The following TMEM132B variants were observed in gnomAD, a reference collection of about 807,000 sequenced individuals.
The protein encoded by TMEM132B is transmembrane protein 132B.
TMEM132B carries 18 observed loss-of-function variants against 90.8 expected under a neutral mutation model. That is an observed-to-expected ratio of 0.20 (90% CI 0.14 to 0.29). TMEM132B has a LOEUF of 0.29. TMEM132B is among the 10% of genes least tolerant of loss of function. TMEM132B has a pLI of 1.00. For synonymous variants in TMEM132B, 504 were observed against 523.3 expected, an observed-to-expected ratio of 0.96 and a Z score of 0.50; for missense variants, 1,096 against 1,326.8, an observed-to-expected ratio of 0.83 and a Z score of 2.70.
Position 125,650,962 on chromosome 12 carries a change from C to T in TMEM132B, c.1914+9C>T, listed in dbSNP as rs374416896. 4.7e-5 allele frequency: 75 copies of T among 1,611,294 alleles called. No individual in the cohort carries two copies. The African/African-American group carries it at 5.2e-4, about 11-fold the overall frequency. On this transcript the variant is annotated intron_variant, in intron 7 of 8. Coordinates refer to ENST00000682704, the MANE Select transcript of TMEM132B (RefSeq NM_001366854.1). ...GAATAACCACGGTGCAGGTACACGC[C>T]GCCATGCCTTGCCCAACAGCAGTCT...
At chr12:125,201,504 G>A (rs921382929) in intron 1 of TMEM132B, among the ~76,000 whole-genome samples, 8 of 152,304 alleles carry the variant, frequency 5.3e-5, no homozygotes, top group South Asian at 2.1e-4. Context: ...GCTTTATATC[G>A]CTCACTGCTT....
At chr12:125,350,943 A>G (rs1480704102) in intron 2 of TMEM132B, among the ~76,000 whole-genome samples, 3 of 152,204 alleles carry the variant, frequency 2.0e-5, no homozygotes, top group African/African-American at 7.2e-5. Context: ...TAAGAGGTGC[A>G]AAAGTGATCC....
At position 125,408,477 on chromosome 12, in the gene TMEM132B, TA is replaced by T. The variant is rs1566025699; in HGVS notation, c.960-7048del. Reference sequence around the variant, plus strand: ...GGACACAGCATGACAGCCGCATCTATAAAAAAGCAAGCTCTCACCCGGCACT... The same window carrying T: ...GGACACAGCATGACAGCCGCATCTATAAAAAGCAAGCTCTCACCCGGCACT... On this transcript the variant is annotated intron_variant, in intron 2 of 8. Transcript: ENST00000682704. This position sits in a 1 kb window ranked among gnomAD's most constrained non-coding sequence, Gnocchi z 5.9. 6.6e-6 allele frequency among the ~76,000 whole-genome samples: 1 copy of T among 152,196 alleles called. No homozygotes were observed. The highest frequency in any genetic ancestry group is 1.9e-4 in the East Asian group (1 of 5,198).
intron 1 of TMEM132B, among the ~76,000 whole-genome samples, chr12:125,242,821 T>C (rs923068064): frequency 6.6e-6 from 1 of 152,160 alleles, no homozygotes; most frequent in African/African-American, 2.4e-5. Context: ...ATCCTGTTAG[T>C]CCACTTTCTT....
chr12:125,407,027 A>G lies in TMEM132B; in HGVS notation c.960-8504A>G, dbSNP rs933177855. Among the ~76,000 whole-genome samples the G allele has an allele frequency of 1.3e-5, 2 of 152,182 alleles. No individual in the cohort carries two copies. Among genetic ancestry groups the G allele is most frequent in the African/African-American group, 4.8e-5 (2 of 41,464 alleles). On this transcript the variant is annotated intron_variant, in intron 2 of 8. Transcript: ENST00000682704. This position sits in a 1 kb window ranked among gnomAD's most constrained non-coding sequence, Gnocchi z 6.7. The stretch of plus-strand genomic sequence containing the variant: ...GCAACCATAGGCACAGAGTGCTGCC[A>G]ACTGGGGGAGCTCACCCAAGCTTGG...
rs1887013492 is a variant in TMEM132B, at chr12:125,654,557, C to T, written c.3099C>T (p.Ser1033=). The T allele has an allele frequency of 6.2e-7, 1 of 1,614,002 alleles. No homozygotes were observed. Among genetic ancestry groups the T allele is most frequent in the African/African-American group, 1.3e-5 (1 of 74,904 alleles). ...AGAGGAAGAGAGTCAAGTTCACTTC[C>T]TACACCACCATCCTCCCAGAGGACG... ...GPKRKRVKFT[S]YTTILPEDGG... The change falls in exon 9 of 9, where the codon TCC becomes TCT. Residue 1033 remains serine, a synonymous_variant. Coordinates refer to ENST00000682704, the MANE Select transcript of TMEM132B (RefSeq NM_001366854.1). The surrounding 1 kb of genome is among the most constrained non-coding windows in gnomAD (Gnocchi z 5.8).
At chr12:125,595,144 A>C (rs996967937) in intron 5 of TMEM132B, among the ~76,000 whole-genome samples, 2 of 152,124 alleles carry the variant, frequency 1.3e-5, no homozygotes, top group African/African-American at 4.8e-5. Flanking sequence ...ATGTATTATA[A>C]TGTGCTGGTT....
chr12:125,446,028 T>G (rs1880998761), intron 3 of TMEM132B, among the ~76,000 whole-genome samples: 1 of 152,254 alleles, frequency 6.6e-6, no homozygotes, highest in Non-Finnish European at 1.5e-5. Context: ...AATCCCAGTC[T>G]TGGGGAGGTC....
In TMEM132B at chr12:125,363,287, C is replaced by G. The variant is rs1846647; in HGVS notation, c.959+12944C>G. On this transcript the variant is annotated intron_variant, in intron 2 of 8. Coordinates refer to ENST00000682704, the MANE Select transcript of TMEM132B (RefSeq NM_001366854.1). ...ACCATCCCTTACTGATCCCCACAAC[C>G]CTGCCTATACCTCTGTGAATAGTCC... Among the ~76,000 whole-genome samples the G allele has an allele frequency of 8.1e-3, 1,238 of 152,306 alleles. 23 individuals are homozygous for G. Among genetic ancestry groups the G allele is most frequent in the African/African-American group, 0.028 (1,179 of 41,558 alleles).
At chr12:125,385,218 C>T (rs1878794485) in intron 2 of TMEM132B, among the ~76,000 whole-genome samples, 1 of 151,924 alleles carries the variant, frequency 6.6e-6, no homozygotes, top group Admixed American at 6.5e-5. Context: ...GCTCTCACAG[C>T]AAAAAAGATT....
chr12:125,359,573 C>T (rs940139071), intron 2 of TMEM132B, among the ~76,000 whole-genome samples: 2 of 152,148 alleles, frequency 1.3e-5, no homozygotes, highest in African/African-American at 4.8e-5. Context: ...AACTAAAGAC[C>T]ATGAGCTTCC....
chr12:125,374,399 G>C (rs563155131), intron 2 of TMEM132B, among the ~76,000 whole-genome samples: 1 of 151,666 alleles, frequency 6.6e-6, no homozygotes, highest in African/African-American at 2.4e-5. Flanking sequence ...AGTCTGTATA[G>C]TGCAGACCTC....
chr12:125,316,800 C>T (rs1293769164), intron 1 of TMEM132B, among the ~76,000 whole-genome samples: 1 of 152,194 alleles, frequency 6.6e-6, no homozygotes, highest in Non-Finnish European at 1.5e-5. Context: ...AGGACCATCC[C>T]ACAAACTGTA....
At chr12:125,276,080 TTGACTC>T (rs1252534974) in intron 1 of TMEM132B, among the ~76,000 whole-genome samples, 3 of 152,220 alleles carry the variant, frequency 2.0e-5, no homozygotes, top group Non-Finnish European at 2.9e-5. Flanking sequence ...CCATGGGTGT[TTGACTC>T]TGGCCACTAG....
At chr12:125,577,106 A>G (rs1165539083) in intron 4 of TMEM132B, among the ~76,000 whole-genome samples, 1 of 151,940 alleles carries the variant, frequency 6.6e-6, no homozygotes, top group Non-Finnish European at 1.5e-5. Context: ...TAATGAAGCC[A>G]TCTGGTCCTG....
At chr12:125,402,688 A>T (rs141772331) in intron 2 of TMEM132B, among the ~76,000 whole-genome samples, 1 of 152,212 alleles carries the variant, frequency 6.6e-6, no homozygotes, top group Admixed American at 6.5e-5. Flanking sequence ...GCAGGGGTAG[A>T]TGCTGCTGTC....
chr12:125,607,072 G>T (rs2136934162), intron 5 of TMEM132B, among the ~76,000 whole-genome samples: 1 of 152,228 alleles, frequency 6.6e-6, no homozygotes, highest in African/African-American at 2.4e-5. Flanking sequence ...TCTCTTGCAG[G>T]GTGAGCTCCG....
intron 6 of TMEM132B, among the ~76,000 whole-genome samples, chr12:125,650,124 G>A (rs1243729249): frequency 3.3e-5 from 5 of 152,056 alleles, no homozygotes; most frequent in African/African-American, 7.2e-5. Context: ...TGTTAGAACC[G>A]TCCACTGCTG....
rs962840620 is a variant in TMEM132B, at chr12:125,390,823, G to T, written c.960-24708G>T. Among the ~76,000 whole-genome samples the T allele has an allele frequency of 1.5e-3, 225 of 152,252 alleles. 2 individuals carry two copies. The highest frequency in any genetic ancestry group is 5.1e-3 in the African/African-American group (212 of 41,536). ...ACCATGACTGAAACCTCGAGAGAGA[G>T]AGAACCACCTGAGTCAGAGCCATCC... On this transcript the variant is annotated intron_variant, in intron 2 of 8. Coordinates refer to ENST00000682704, the MANE Select transcript of TMEM132B (RefSeq NM_001366854.1).
Sources: gnomAD v4.1 joint callset for allele counts (sites outside exome capture counted in the v4.1 genomes callset) on GRCh38, gnomAD v4.1.1 for gene constraint, Gnocchi (gnomAD v3.1) non-coding constraint, MANE v1.5 for transcripts, NCBI Gene and HGNC (gene_info 2026-07-23, HGNC 2026-07-21) for gene names.